BABAM2: variants seen among roughly 807,000 people sequenced by gnomAD.
The protein encoded by BABAM2 is BRISC and BRCA1 A complex member 2.
In BABAM2, 31 loss-of-function variants were observed where a neutral mutation model predicts 54.7. The observed-to-expected ratio is 0.57, with a 90% confidence interval of 0.43 to 0.77. The LOEUF (loss-of-function observed/expected upper bound fraction) is 0.77. BABAM2 is among the 30% of genes least tolerant of loss of function. The pLI is 0.00. For synonymous variants in BABAM2, 167 were observed against 162.9 expected, an observed-to-expected ratio of 1.03 and a Z score of -0.19; for missense variants, 364 against 455.8, an observed-to-expected ratio of 0.80 and a Z score of 1.83.
chr2:28,075,175 A>G (rs762256132), intron 6 of BABAM2, among the ~76,000 whole-genome samples: 8 of 152,220 alleles, frequency 5.3e-5, no homozygotes, highest in Non-Finnish European at 8.8e-5. Context: ...TTTAGCTAAT[A>G]CAAGTTCTAA....
At chr2:27,962,389 CTGTGCCTGGTGG>C (rs1670536283) in intron 3 of BABAM2, among the ~76,000 whole-genome samples, 1 of 152,162 alleles carries the variant, frequency 6.6e-6, no homozygotes, top group Admixed American at 6.5e-5. Context: ...GTGTGAGCCA[CTGTGCCTGGTGG>C]TTTTTCTTTA....
chr2:28,017,901 A>T (rs1320217130), intron 4 of BABAM2, among the ~76,000 whole-genome samples: 4 of 152,188 alleles, frequency 2.6e-5, no homozygotes, highest in Non-Finnish European at 5.9e-5. Flanking sequence ...GTATTTATTC[A>T]TCATTGGTTG....
intron 7 of BABAM2, among the ~76,000 whole-genome samples, chr2:28,162,067 T>C (rs186306172): frequency 5.7e-4 from 87 of 152,320 alleles, no homozygotes; most frequent in Non-Finnish European, 1.1e-3. Context: ...CTAGAATAAA[T>C]ACTAGTGATT....
chr2:28,117,523 G>A (rs1424132349), intron 6 of BABAM2, among the ~76,000 whole-genome samples: 1 of 152,170 alleles, frequency 6.6e-6, no homozygotes, highest in Non-Finnish European at 1.5e-5. Context: ...AAGACCCACA[G>A]GAACTAAGGG....
At chr2:28,000,336 A>G (rs1673489673) in intron 4 of BABAM2, among the ~76,000 whole-genome samples, 1 of 151,864 alleles carries the variant, frequency 6.6e-6, no homozygotes, top group East Asian at 1.9e-4. Flanking sequence ...CTGGCCAGGT[A>G]TTTTATAGAA....
At chr2:28,062,561 CAA>C (rs1273524201) in intron 6 of BABAM2, among the ~76,000 whole-genome samples, 1 of 68,900 alleles carries the variant, frequency 1.5e-5, no homozygotes, top group Non-Finnish European at 3.2e-5. Flanking sequence ...GACTCCATCT[CAA>C]AAAAAAAAAA....
chr2:28,327,950 G>A (rs530313378), intron 11 of BABAM2, among the ~76,000 whole-genome samples: 2 of 152,158 alleles, frequency 1.3e-5, no homozygotes, highest in Non-Finnish European at 2.9e-5. Context: ...TGTTCCTAAA[G>A]CCCACACCCG....
At chr2:28,224,438 C>T (rs773872058) in intron 7 of BABAM2, among the ~76,000 whole-genome samples, 1 of 152,226 alleles carries the variant, frequency 6.6e-6, no homozygotes, top group African/African-American at 2.4e-5. Context: ...AGACCCCTGA[C>T]TTGCTGCCAG....
intron 10 of BABAM2, among the ~76,000 whole-genome samples, chr2:28,252,756 CT>C (rs1683615944): frequency 6.6e-6 from 1 of 152,196 alleles, no homozygotes. Context: ...AATTTTTCCC[CT>C]GTACCCTCTT....
chr2:28,071,489 T>C (rs1664134944), intron 6 of BABAM2, among the ~76,000 whole-genome samples: 1 of 152,210 alleles, frequency 6.6e-6, no homozygotes, highest in East Asian at 1.9e-4. Flanking sequence ...ATGTGTTCTT[T>C]TATCCGAAGG....
At chr2:28,029,763 G>T (rs1676160984) in intron 5 of BABAM2, among the ~76,000 whole-genome samples, 1 of 152,068 alleles carries the variant, frequency 6.6e-6, no homozygotes, top group Non-Finnish European at 1.5e-5. Context: ...TTAATTTTTT[G>T]AGGAATTTCC....
chr2:27,956,856 A>G (rs1411844707), intron 3 of BABAM2, among the ~76,000 whole-genome samples: 1 of 152,180 alleles, frequency 6.6e-6, no homozygotes, highest in South Asian at 2.1e-4. Flanking sequence ...TAATAGATCA[A>G]TTCTTATTAC....
At chr2:28,231,596 T>G (rs570022018) in intron 7 of BABAM2, among the ~76,000 whole-genome samples, 42 of 152,050 alleles carry the variant, frequency 2.8e-4, no homozygotes, top group African/African-American at 1.0e-3. Context: ...TTCCTCTCCC[T>G]CAGAACCCAA....
intron 3 of BABAM2, among the ~76,000 whole-genome samples, chr2:27,956,111 C>A (rs1255310046): frequency 6.6e-6 from 1 of 152,064 alleles, no homozygotes; most frequent in East Asian, 1.9e-4. Flanking sequence ...TATGATGGCA[C>A]AGATCTTTTA....
intron 6 of BABAM2, among the ~76,000 whole-genome samples, chr2:28,102,535 A>G (rs568495601): frequency 6.6e-6 from 1 of 152,354 alleles, no homozygotes; most frequent in South Asian, 2.1e-4. Flanking sequence ...CCAAGAGGAA[A>G]TGGATTGGAG....
At chr2:28,173,362 A>C (rs1186849910) in intron 7 of BABAM2, among the ~76,000 whole-genome samples, 1 of 152,220 alleles carries the variant, frequency 6.6e-6, no homozygotes, top group Non-Finnish European at 1.5e-5. Flanking sequence ...CATGTAGTCC[A>C]AGCCTTTAGG....
chr2:28,333,781 T>C (rs1246973225), intron 11 of BABAM2, among the ~76,000 whole-genome samples: 2 of 152,202 alleles, frequency 1.3e-5, no homozygotes, highest in Admixed American at 6.5e-5. Context: ...GGCCAGTTAA[T>C]GGGGAGGTGA....
intron 3 of BABAM2, among the ~76,000 whole-genome samples, chr2:27,970,867 T>TAATGA (rs1328125972): frequency 6.6e-6 from 1 of 152,196 alleles, no homozygotes; most frequent in Non-Finnish European, 1.5e-5. Context: ...GATTAATGAT[T>TAATGA]TTGAAGAGTC....
In BABAM2 at chr2:28,112,146, T is replaced by TTTCTTTCCTTCC. The variant is rs1344247281; in HGVS notation, c.571-17123_571-17122insCTTTCCTTCCTT. Among the ~76,000 whole-genome samples, 89 of 10,562 alleles carry TTTCTTTCCTTCC rather than the reference T, an allele frequency of 8.4e-3. 19 individuals are homozygous for TTTCTTTCCTTCC. The highest frequency in any genetic ancestry group is 0.01 in the Non-Finnish European group (71 of 6,798). 6.9% of individuals were successfully genotyped at this position (10,562 alleles called of 152,430 possible). A position where few individuals can be genotyped will look rare whatever the true frequency, so the allele number is the denominator to read the frequency against. On this transcript the variant is annotated intron_variant, in intron 6 of 11. Coordinates refer to ENST00000379624, the MANE Select transcript of BABAM2 (RefSeq NM_199191.3). ...CTTTCTTTCTTTCTTTCTTTCTTTC[T>TTTCTTTCCTTCC]TTACCTCCCTCCCTCCCTCCCTCCC...
Sources: gnomAD v4.1 joint callset for allele counts (sites outside exome capture counted in the v4.1 genomes callset) on GRCh38, gnomAD v4.1.1 for gene constraint, MANE v1.5 for transcripts, NCBI Gene and HGNC (gene_info 2026-07-23, HGNC 2026-07-21) for gene names.